Variants in CPPED1 observed in about 807,000 individuals in gnomAD.
CPPED1 encodes calcineurin like phosphoesterase domain containing 1, also known as serine/threonine-protein phosphatase CPPED1.
Under a neutral mutation model 28.0 loss-of-function variants are expected in CPPED1, and 28 were observed. That is an observed-to-expected ratio of 1.00 (90% CI 0.74 to 1.37). The LOEUF (loss-of-function observed/expected upper bound fraction) is 1.37, where lower values mean the gene tolerates loss of function less well. Among genes scored for constraint, CPPED1 ranks in the 40% most tolerant of loss-of-function variants. The pLI, the probability that CPPED1 is intolerant of heterozygous loss-of-function variation, is 0.00. For synonymous variants in CPPED1, 198 were observed against 180.2 expected (o/e 1.10, Z -0.79); for missense variants, 504 against 416.5 (o/e 1.21, Z -1.83).
chr16:12,688,189 C>T (rs1424502695), intron 3 of CPPED1, among the ~76,000 whole-genome samples: 1 of 151,916 alleles, frequency 6.6e-6, no homozygotes, highest in Admixed American at 6.6e-5. Context: ...CACCACAACA[C>T]TCACACAATC....
chr16:12,699,675 A>G (rs2080009971), intron 3 of CPPED1, among the ~76,000 whole-genome samples: 1 of 152,140 alleles, frequency 6.6e-6, no homozygotes, highest in African/African-American at 2.4e-5. Flanking sequence ...TAACAACACA[A>G]TTATCATAAT....
At chr16:12,750,989 C>T (rs2080324418) in intron 2 of CPPED1, among the ~76,000 whole-genome samples, 1 of 151,152 alleles carries the variant, frequency 6.6e-6, no homozygotes. Flanking sequence ...AACAAACAAA[C>T]AAACAACAAC....
intron 3 of CPPED1, among the ~76,000 whole-genome samples, chr16:12,701,406 C>T (rs375095772): frequency 2.6e-4 from 39 of 152,104 alleles, no homozygotes; most frequent in African/African-American, 5.3e-4. Flanking sequence ...TGGTGGTGCG[C>T]GCCTGTAATC....
intron 1 of CPPED1, among the ~76,000 whole-genome samples, chr16:12,799,897 G>T (rs1369967901): frequency 6.6e-6 from 1 of 152,192 alleles, no homozygotes; most frequent in Non-Finnish European, 1.5e-5. Flanking sequence ...ATTTACTCGG[G>T]GCTAAGAAAA....
At chr16:12,742,499 T>C (rs1012934088) in intron 2 of CPPED1, among the ~76,000 whole-genome samples, 2 of 152,180 alleles carry the variant, frequency 1.3e-5, no homozygotes, top group Non-Finnish European at 1.5e-5. Context: ...ATAAAATCTA[T>C]CTGCTCAAAA....
chr16:12,740,078 G>T (rs1273590442), intron 2 of CPPED1, among the ~76,000 whole-genome samples: 1 of 149,048 alleles, frequency 6.7e-6, no homozygotes, highest in Non-Finnish European at 1.5e-5. Context: ...AAAAAAGAAA[G>T]GAAAGAAAGG....
At chr16:12,803,382 T>A (rs1317659558) in intron 1 of CPPED1, among the ~76,000 whole-genome samples, 1 of 152,242 alleles carries the variant, frequency 6.6e-6, no homozygotes, top group African/African-American at 2.4e-5. Context: ...AAGATGCTAA[T>A]GCACAGCTTG....
chr16:12,779,156 C>G (rs531205710), intron 2 of CPPED1, among the ~76,000 whole-genome samples: 3 of 152,068 alleles, frequency 2.0e-5, no homozygotes, highest in Non-Finnish European at 4.4e-5. Flanking sequence ...CCAGTGAGCC[C>G]TATAACATTC....
chr16:12,785,674 CGCCTTG>C (rs1420107023), intron 1 of CPPED1, among the ~76,000 whole-genome samples: 2 of 151,504 alleles, frequency 1.3e-5, no homozygotes, highest in African/African-American at 4.8e-5. Context: ...ATGATCTGCC[CGCCTTG>C]GCCTTGGACT....
At chr16:12,783,389 C>T (rs2080543844) in intron 1 of CPPED1, among the ~76,000 whole-genome samples, 1 of 152,054 alleles carries the variant, frequency 6.6e-6, no homozygotes, top group Non-Finnish European at 1.5e-5. Context: ...GTCTCAGCTA[C>T]TTGGGAGGCT....
At chr16:12,789,547 A>G (rs1486299121) in intron 1 of CPPED1, among the ~76,000 whole-genome samples, 1 of 152,092 alleles carries the variant, frequency 6.6e-6, no homozygotes, top group East Asian at 1.9e-4. Context: ...ATTTTTTTTA[A>G]TGGGGTCTCA....
In CPPED1 at chr16:12,662,205, TTC is replaced by T. The variant is rs1384157213; in HGVS notation, c.*2679_*2680del. On this transcript the variant is annotated 3_prime_UTR_variant, in exon 4 of 4. Coordinates refer to ENST00000381774, the MANE Select transcript of CPPED1 (RefSeq NM_018340.3). ...ATAAGGCACTTATTTTTTGATATCA[TTC>T]TCTTTTTTTAAAGGCAAAGGAATTA... 2 of 152,188 alleles carry T rather than the reference TTC, an allele frequency of 1.3e-5. No homozygotes were observed. The highest frequency in any genetic ancestry group is 2.9e-5 in the Non-Finnish European group (2 of 68,020). The allele number at this position is 152,188 out of a possible 1,614,324, so 9.4% of individuals were successfully genotyped here. A position where few individuals can be genotyped will look rare whatever the true frequency, so the allele number is the denominator to read the frequency against.
intron 2 of CPPED1, among the ~76,000 whole-genome samples, chr16:12,766,275 A>G (rs970702071): frequency 2.1e-5 from 3 of 141,582 alleles, no homozygotes; most frequent in Admixed American, 2.1e-4. Context: ...AGAGAGAGAG[A>G]GGGAGAGAGA....
chr16:12,686,177 T>C (rs1260398993), intron 3 of CPPED1, among the ~76,000 whole-genome samples: 2 of 152,166 alleles, frequency 1.3e-5, no homozygotes, highest in Non-Finnish European at 2.9e-5. Flanking sequence ...CACTCTCCTT[T>C]TGGGGTGGCC....
At chr16:12,779,802 C>A (rs1446473410) in intron 2 of CPPED1, among the ~76,000 whole-genome samples, 1 of 152,162 alleles carries the variant, frequency 6.6e-6, no homozygotes, top group Non-Finnish European at 1.5e-5. Flanking sequence ...AGGAGTTAGA[C>A]ATCATCACAG....
intron 2 of CPPED1, among the ~76,000 whole-genome samples, chr16:12,738,903 T>C (rs935674372): frequency 2.0e-5 from 3 of 152,224 alleles, no homozygotes; most frequent in African/African-American, 4.8e-5. Flanking sequence ...GGCAGGCTAA[T>C]GATCATTACC....
chr16:12,781,046 AC>A (rs1283521081), intron 2 of CPPED1, 138 bp downstream of exon 2: 2 of 672,028 alleles, frequency 3.0e-6, no homozygotes, highest in African/African-American at 3.6e-5. Context: ...GTTCAATGAT[AC>A]TGCAACAATC....
rs2080530179 is a variant in CPPED1, at chr16:12,781,323, T to A, written c.151A>T (p.Thr51Ser). 8 of 1,614,006 alleles carry A rather than the reference T, an allele frequency of 5.0e-6. No homozygotes were observed. The highest frequency in any genetic ancestry group is 1.3e-5 in the African/African-American group (1 of 74,914). ...TCACCGCCATTGTCACAGTCCCCAG[T>A]GGACCAGGCCTTGATCAGCCCAAAC... ...PQFGLIKAWSTGDCDNGGDEW... is the reference protein window; with the variant it reads ...PQFGLIKAWSSGDCDNGGDEW... Residue 51 changes from threonine to serine, a missense_variant, in exon 2 of 4, where the codon ACT (threonine) becomes TCT (serine). By Grantham distance (58) the Thr-to-Ser change is moderately conservative. Transcript: ENST00000381774.
At chr16:12,784,847 A>G (rs2141241015) in intron 1 of CPPED1, among the ~76,000 whole-genome samples, 1 of 152,360 alleles carries the variant, frequency 6.6e-6, no homozygotes, top group Middle Eastern at 3.4e-3. Flanking sequence ...TCAGAATTTC[A>G]AAAAGTCAAT....
Sources: gnomAD v4.1 joint callset for allele counts (sites outside exome capture counted in the v4.1 genomes callset) on GRCh38, gnomAD v4.1.1 for gene constraint, MANE v1.5 for transcripts, NCBI Gene and HGNC (gene_info 2026-07-23, HGNC 2026-07-21) for gene names.